TTN: variants seen among roughly 807,000 people sequenced by gnomAD.
TTN encodes titin.
TTN carries 1,525 observed loss-of-function variants against 3,223.0 expected under a neutral mutation model. The ratio of observed to expected loss-of-function variants is 0.47; its 90% CI spans 0.45 to 0.49. The LOEUF (loss-of-function observed/expected upper bound fraction) is 0.49, where lower values mean the gene tolerates loss of function less well. Ranked by LOEUF, TTN falls within the 20% of genes least tolerant of loss-of-function variation. TTN has a pLI of 0.00. For missense variants in TTN, 40,786 were observed against 43,424.0 expected (o/e 0.94, Z 5.40); for synonymous variants, 14,094 against 15,161.0 (o/e 0.93, Z 5.17).
chr2:178,711,723 A>G (rs535237676), intron 96 of TTN, among the ~76,000 whole-genome samples: 16 of 152,346 alleles, frequency 1.1e-4, no homozygotes, highest in African/African-American at 2.6e-4. Context: ...AGATTTAATT[A>G]TAGAAGCAAA....
At chr2:178,780,718 TG>T (rs1180463141) in intron 21 of TTN, among the ~76,000 whole-genome samples, 1 of 152,204 alleles carries the variant, frequency 6.6e-6, no homozygotes, top group African/African-American at 2.4e-5. Context: ...CTAGCAACAC[TG>T]AGCCTGGTAA....
rs1410045812 is a variant in TTN at position 178,542,419 on chromosome 2, C to A, written c.97337G>T (p.Gly32446Val). Residue 32446 changes from glycine (G) to valine (V), a missense_variant, in exon 349 of 363, where the codon GGA becomes GTA. Physicochemically the swap from Gly to Val is moderately radical, Grantham distance 109. Transcript: ENST00000589042. ...VVEQRDAHRP[G>V]WLPVSESVTR... ...CACTGATTCAGAAACGGGCAGCCAT[C>A]CTGGACGATGAGCGTCACGTTGTTC... is the stretch of plus-strand genomic sequence containing the variant. The A allele has an allele frequency of 6.2e-7, 1 of 1,613,648 alleles. No individual in the cohort carries two copies. Among genetic ancestry groups the A allele is most frequent in the Admixed American group, 1.7e-5 (1 of 60,006 alleles).
At position 178,562,693 on chromosome 2, in the gene TTN, A is replaced by G. The variant is rs569816178; in HGVS notation, c.83439T>C (p.Tyr27813=). 8 of 1,596,636 alleles carry G rather than the reference A, an allele frequency of 5.0e-6. No individual in the cohort carries two copies. The highest frequency in any genetic ancestry group is 1.1e-5 in the South Asian group (1 of 87,470). ...VEKRETTRKA[Y]ATITNNCTKT... Reference sequence around the variant, plus strand: ...TAGTGCAATTATTTGTAATGGTAGCATAGGCTTTTCTTGTAGTTTCTCGTT... The same window carrying G: ...TAGTGCAATTATTTGTAATGGTAGCGTAGGCTTTTCTTGTAGTTTCTCGTT... Residue 27813 remains tyrosine, a synonymous_variant, in exon 326 of 363, where the codon TAT becomes TAC. Coordinates refer to ENST00000589042, the MANE Select transcript of TTN (RefSeq NM_001267550.2).
In TTN at chr2:178,589,480, C is replaced by T. The variant is rs769732478; in HGVS notation, c.62245G>A (p.Gly20749Ser). The change falls in exon 304 of 363, where the codon GGT becomes AGT. Residue 20749 changes from glycine to serine, a missense_variant. Transcript: ENST00000589042. ...YEFRVQTKNE[G>S]GESDWVKTEE... is the part of the protein sequence containing the mutation. ...GTCTTCACCCAGTCACTTTCCCCAC[C>T]TTCATTCTTTGTTTGCACTCTGAAC... is the stretch of plus-strand genomic sequence containing the variant. 6.8e-6 allele frequency: 11 copies of T among 1,613,398 alleles called. No individual in the cohort carries two copies. Among genetic ancestry groups the T allele is most frequent in the Non-Finnish European group, 9.3e-6 (11 of 1,179,656 alleles).
chr2:178,540,219 C>G lies in TTN; in HGVS notation c.97947G>C (p.Lys32649Asn), dbSNP rs773776767. 9.9e-6 allele frequency: 16 copies of G among 1,613,628 alleles called. No homozygotes were observed. Among genetic ancestry groups the G allele is most frequent in the Non-Finnish European group, 1.3e-5 (15 of 1,179,752 alleles). The change falls in exon 351 of 363, where the codon AAG (lysine) becomes AAC (asparagine). Residue 32649 changes from lysine to asparagine, a missense_variant. Lys to Asn is a moderately conservative substitution (Grantham distance 94, BLOSUM62 0). Coordinates refer to ENST00000589042, the MANE Select transcript of TTN (RefSeq NM_001267550.2). ...GAATCTTGGTTGGAGTGGTGTTACA[C>G]TTGGTCCATTCATGTTGATCTACTT... ...MQKVDQHEWTKCNTTPTKIRE... is the reference protein window; with the variant it reads ...MQKVDQHEWTNCNTTPTKIRE...
Position 178,722,492 on chromosome 2 carries a change from A to C in TTN, c.22295T>G (p.Val7432Gly), listed in dbSNP as rs2078569479. The change falls in exon 77 of 363, where the codon GTG becomes GGG. Residue 7432 changes from valine (V) to glycine (G), a missense_variant. Val to Gly is a moderately radical substitution (Grantham distance 109). Coordinates refer to ENST00000589042, the MANE Select transcript of TTN (RefSeq NM_001267550.2). The stretch of plus-strand genomic sequence containing the variant: ...ACAAGTGAGTGTAACAGGTAACCCC[A>C]CAGTTTGTTCAATGTCCTTTAATTG... Reference protein sequence around the residue: ...ARQLKDIEQTVGLPVTLTCRL... With the variant: ...ARQLKDIEQTGGLPVTLTCRL... 1 of 1,613,288 alleles carries C rather than the reference A, an allele frequency of 6.2e-7. No individual in the cohort carries two copies. Among genetic ancestry groups the C allele is most frequent in the Non-Finnish European group, 8.5e-7 (1 of 1,179,554 alleles).
Position 178,769,714 on chromosome 2 carries a change from C to A in TTN, c.8867G>T (p.Gly2956Val). Reference protein sequence around the residue: ...EDSAEYTFVCGNDQVSATLTV... With the variant: ...EDSAEYTFVCVNDQVSATLTV... ...CAGGGTGGCACTGACTTGGTCATTG[C>A]CACAGACAAATGTGTATTCTGCCGA... Residue 2956 changes from glycine to valine, a missense_variant, in exon 37 of 363, where the codon GGC becomes GTC. Physicochemically the swap from Gly to Val is moderately radical, Grantham distance 109. Transcript: ENST00000589042. 6.2e-7 allele frequency: 1 copy of A among 1,613,314 alleles called. No homozygotes were observed. Among genetic ancestry groups the A allele is most frequent in the Non-Finnish European group, 8.5e-7 (1 of 1,179,748 alleles).
intron 113 of TTN, among the ~76,000 whole-genome samples, chr2:178,696,503 T>C (rs892749912): frequency 7.9e-5 from 12 of 151,808 alleles, no homozygotes; most frequent in African/African-American, 2.7e-4. Context: ...ATGGATTCAA[T>C]AAATATTATC....
chr2:178,690,217 T>C (rs982556712), intron 121 of TTN, among the ~76,000 whole-genome samples: 16 of 152,322 alleles, frequency 1.1e-4, no homozygotes, highest in African/African-American at 3.6e-4. Context: ...GTGGATATGG[T>C]ATATAGAAAA....
In TTN at chr2:178,706,683, A is replaced by G; in HGVS notation, c.29191T>C (p.Trp9731Arg). The G allele has an allele frequency of 1.2e-6, 2 of 1,613,652 alleles. No individual in the cohort carries two copies. Among genetic ancestry groups the G allele is most frequent in the Non-Finnish European group, 8.5e-7 (1 of 1,179,690 alleles). ...VGGDPIPNVK[W>R]TKGKWRQLNQ... ...AGCTGTCTCCACTTCCCTTTTGTCC[A>G]TTTAACATTTGGGATTGGGTCACCT... Residue 9731 changes from tryptophan (W) to arginine (R), a missense_variant, in exon 102 of 363, where the codon TGG becomes CGG. Physicochemically the swap from Trp to Arg is moderately radical, Grantham distance 101 (BLOSUM62 -3). Transcript: ENST00000589042.
chr2:178,637,303 T>C, intron 224 of TTN, 66 bp downstream of exon 224: 1 of 1,227,988 alleles, frequency 8.1e-7, no homozygotes, highest in Non-Finnish European at 1.1e-6. Context: ...TTTTTCCCCT[T>C]GAATATGAAC....
rs140663434 is a variant in TTN at position 178,546,088 on chromosome 2, G to A, written c.95148C>T (p.Thr31716=). The A allele has an allele frequency of 2.2e-3, 3,474 of 1,610,798 alleles. 51 individuals carry two copies. Among genetic ancestry groups the A allele is most frequent in the South Asian group, 0.021 (1,903 of 90,798 alleles). ...LDSPGPCGKL[T]VSRVTQEKCT... is the part of the protein sequence containing the mutation. ...ACTTCTCCTGTGTTACTCTGCTGAC[G>A]GTGAGCTTTCCACATGGGCCAGGGG... The change falls in exon 343 of 363, where the codon ACC becomes ACT. Residue 31716 remains threonine, a synonymous_variant. Coordinates refer to ENST00000589042, the MANE Select transcript of TTN (RefSeq NM_001267550.2).
rs770854579 is a variant in TTN at position 178,598,819 on chromosome 2, T to C, written c.56891A>G (p.Tyr18964Cys). Residue 18964 changes from tyrosine (Y) to cysteine (C), a missense_variant, in exon 291 of 363, where the codon TAT becomes TGT. Tyr to Cys is a radical substitution (Grantham distance 194). Transcript: ENST00000589042. ...IEGSDYQFRV[Y>C]AINAAGVGPA... ...ACCCACGCCAGCAGCATTGATTGCA[T>C]ATACCCGGAATTGATAGTCGGAACC... 2 of 1,613,226 alleles carry C rather than the reference T, an allele frequency of 1.2e-6. No individual in the cohort carries two copies. The highest frequency in any genetic ancestry group is 4.5e-5 in the East Asian group (2 of 44,786).
intron 242 of TTN, 35 bp from the exon 243 acceptor site, chr2:178,622,802 T>G: frequency 1.3e-6 from 2 of 1,488,960 alleles, no homozygotes. Flanking sequence ...CAAAATGAGG[T>G]TTCTGGAAAT....
chr2:178,537,204 G>C lies in TTN; in HGVS notation c.99905C>G (p.Ala33302Gly). The change falls in exon 356 of 363, where the codon GCT (alanine) becomes GGT (glycine). Residue 33302 changes from alanine (A) to glycine (G), a missense_variant. Coordinates refer to ENST00000589042, the MANE Select transcript of TTN (RefSeq NM_001267550.2). ...DKPTGPIVIE[A>G]LLKNSAVISW... The stretch of plus-strand genomic sequence containing the variant: ...GATCACTGCGGAGTTCTTCAATAGA[G>C]CTTCGATCACAATTGGTCCTGTAGG... The C allele has an allele frequency of 6.2e-7, 1 of 1,611,080 alleles. No homozygotes were observed. The highest frequency in any genetic ancestry group is 2.2e-5 in the East Asian group (1 of 44,830).
chr2:178,570,180 T>C lies in TTN; in HGVS notation c.75952A>G (p.Lys25318Glu), dbSNP rs878854334. The change falls in exon 326 of 363, where the codon AAG (lysine) becomes GAG (glutamate). Residue 25318 changes from lysine (K) to glutamate (E), a missense_variant. Lys to Glu is a moderately conservative substitution (Grantham distance 56). Transcript: ENST00000589042. Reference sequence around the variant, plus strand: ...TCCCATACAACAATCATTGAGTCCTTGGTCACTGTTGTGACTTCTGGAGCT... The same window carrying C: ...TCCCATACAACAATCATTGAGTCCTCGGTCACTGTTGTGACTTCTGGAGCT... ...PKAPEVTTVT[K>E]DSMIVVWERP... is the part of the protein sequence containing the mutation. 1.9e-6 allele frequency: 3 copies of C among 1,613,524 alleles called. No individual in the cohort carries two copies. The Admixed American group carries it at 5.0e-5, about 27-fold the overall frequency.
chr2:178,553,012 G>A lies in TTN; in HGVS notation c.89888C>T (p.Ser29963Phe). ...LWDPPLIDGG[S>F]PIINYVIEKR... is the part of the protein sequence containing the mutation. The stretch of plus-strand genomic sequence containing the variant: ...TTCAATGACATAATTAATTATTGGA[G>A]ATCCTCCATCAATGAGAGGAGGATC... Residue 29963 changes from serine (S) to phenylalanine (F), a missense_variant, in exon 335 of 363, where the codon TCT becomes TTT. Physicochemically the swap from Ser to Phe is radical, Grantham distance 155. Coordinates refer to ENST00000589042, the MANE Select transcript of TTN (RefSeq NM_001267550.2). 1 of 1,611,600 alleles carries A rather than the reference G, an allele frequency of 6.2e-7. No individual in the cohort carries two copies. The highest frequency in any genetic ancestry group is 8.5e-7 in the Non-Finnish European group (1 of 1,179,760).
At chr2:178,610,520 T>C in intron 270 of TTN, 131 bp from the exon 271 acceptor site, 1 of 966,412 alleles carries the variant, frequency 1.0e-6, no homozygotes, top group Non-Finnish European at 1.5e-6. Context: ...TCATTCACAC[T>C]GCAGAGCATT....
In TTN at chr2:178,727,494, T is replaced by C. The variant is rs1344604734; in HGVS notation, c.19993+91A>G. Reference sequence around the variant, plus strand: ...CTGTTTACTATGTTAGAAAGAATACTACTTTCTTGATTGTTTAGAGACATT... The same window carrying C: ...CTGTTTACTATGTTAGAAAGAATACCACTTTCTTGATTGTTTAGAGACATT... On this transcript the variant is annotated intron_variant, in intron 68 of 362. Coordinates refer to ENST00000589042, the MANE Select transcript of TTN (RefSeq NM_001267550.2). 12 of 1,506,192 alleles carry C rather than the reference T, an allele frequency of 8.0e-6. No individual in the cohort carries two copies. In the Admixed American group the frequency reaches 9.1e-5, roughly 11 times the overall value. 93.3% of individuals were successfully genotyped at this position (1,506,192 alleles called of 1,614,324 possible).
Sources: allele counts gnomAD v4.1 joint callset (sites outside exome capture counted in the v4.1 genomes callset), GRCh38; gene constraint gnomAD v4.1.1; transcripts MANE v1.5; gene names NCBI Gene and HGNC (gene_info 2026-07-23, HGNC 2026-07-21).